LCLAT1: variants seen among roughly 807,000 people sequenced by gnomAD.
LCLAT1 encodes the protein lysocardiolipin acyltransferase 1, also known as 1-AGP acyltransferase 8.
A neutral mutation model predicts 30.7 loss-of-function variants in LCLAT1; 11 were observed. The ratio of observed to expected loss-of-function variants is 0.36; its 90% CI spans 0.23 to 0.59. LCLAT1 has a LOEUF of 0.59. Ranked by LOEUF, LCLAT1 falls within the 20% of genes least tolerant of loss-of-function variation. The probability of loss-of-function intolerance (pLI) is 0.77; values close to 1 mark genes in which losing one functional copy is unlikely to be tolerated. For missense variants in LCLAT1, 402 were observed against 458.6 expected, an observed-to-expected ratio of 0.88 and a Z score of 1.13; for synonymous variants, 155 against 151.3, an observed-to-expected ratio of 1.02 and a Z score of -0.18.
At chr2:30,564,161 A>G (rs1665368155) in intron 4 of LCLAT1, among the ~76,000 whole-genome samples, 1 of 152,146 alleles carries the variant, frequency 6.6e-6, no homozygotes, top group Non-Finnish European at 1.5e-5. Context: ...CCATATTTAA[A>G]TTTTATAATA....
intron 3 of LCLAT1, among the ~76,000 whole-genome samples, chr2:30,560,283 GGT>G (rs57326977): frequency 0.3 from 43,569 of 144,252 alleles, 6,480 homozygotes; most frequent in East Asian, 0.37. Flanking sequence ...AATAAAGTGT[GGT>G]GTGTGTGTGT....
intron 5 of LCLAT1, among the ~76,000 whole-genome samples, chr2:30,583,478 G>A (rs1666294405): frequency 6.6e-6 from 1 of 152,028 alleles, no homozygotes; most frequent in Non-Finnish European, 1.5e-5. Flanking sequence ...CAGTATTTTA[G>A]TCCATCCACT....
At chr2:30,621,347 G>A (rs1389507939) in intron 5 of LCLAT1, among the ~76,000 whole-genome samples, 10 of 152,144 alleles carry the variant, frequency 6.6e-5, no homozygotes, top group African/African-American at 1.9e-4. Context: ...AGAAGGTGGG[G>A]CCTTTGGAGG....
At chr2:30,505,748 T>A (rs956886754) in intron 1 of LCLAT1, among the ~76,000 whole-genome samples, 1 of 152,184 alleles carries the variant, frequency 6.6e-6, no homozygotes, top group African/African-American at 2.4e-5. Flanking sequence ...TAATGTAGCT[T>A]ATCTGTTTTT....
At chr2:30,585,607 C>T (rs1422703011) in intron 5 of LCLAT1, among the ~76,000 whole-genome samples, 2 of 152,210 alleles carry the variant, frequency 1.3e-5, no homozygotes, top group African/African-American at 4.8e-5. Context: ...TGTTTTTACT[C>T]TCATTAAGAT....
chr2:30,481,010 A>G (rs1049728466), intron 1 of LCLAT1, among the ~76,000 whole-genome samples: 1 of 152,212 alleles, frequency 6.6e-6, no homozygotes, highest in Admixed American at 6.5e-5. Flanking sequence ...GGTCAGCCTT[A>G]GAGCTTGTTT....
chr2:30,504,359 A>G (rs1037237173), intron 1 of LCLAT1, among the ~76,000 whole-genome samples: 1 of 152,158 alleles, frequency 6.6e-6, no homozygotes, highest in Non-Finnish European at 1.5e-5. Flanking sequence ...GGGAAAAACA[A>G]AACATGAGCT....
intron 1 of LCLAT1, among the ~76,000 whole-genome samples, chr2:30,493,946 C>T (rs144593511): frequency 0.01 from 1,534 of 152,118 alleles, 27 homozygotes; most frequent in African/African-American, 0.034. Flanking sequence ...TGAGGTCAGG[C>T]GTTCAAGACC....
intron 1 of LCLAT1, among the ~76,000 whole-genome samples, chr2:30,473,607 G>T (rs1682903458): frequency 6.6e-6 from 1 of 152,136 alleles, no homozygotes; most frequent in Admixed American, 6.5e-5. Context: ...TCTGTGGATG[G>T]ATAGATGAAC....
At chr2:30,452,778 C>G (rs1004972535) in intron 1 of LCLAT1, among the ~76,000 whole-genome samples, 1 of 152,048 alleles carries the variant, frequency 6.6e-6, no homozygotes, top group Non-Finnish European at 1.5e-5. Flanking sequence ...TTTAATGCAA[C>G]GAGCTAAGAA....
intron 3 of LCLAT1, among the ~76,000 whole-genome samples, chr2:30,558,977 T>C (rs1665069263): frequency 6.6e-6 from 1 of 152,202 alleles, no homozygotes; most frequent in Non-Finnish European, 1.5e-5. Context: ...TGTATATTGG[T>C]CTACAGTGGT....
intron 3 of LCLAT1, among the ~76,000 whole-genome samples, chr2:30,547,881 G>A (rs1409673663): frequency 6.6e-6 from 1 of 152,036 alleles, no homozygotes; most frequent in South Asian, 2.1e-4. Context: ...ATTTCACCAA[G>A]CCATAAGAAA....
chr2:30,624,141 A>C (rs998830572), intron 5 of LCLAT1, among the ~76,000 whole-genome samples: 1 of 152,188 alleles, frequency 6.6e-6, no homozygotes, highest in African/African-American at 2.4e-5. Context: ...AATCCTCAAA[A>C]TACACCGAAA....
At chr2:30,575,854 T>G (rs1293532401) in intron 5 of LCLAT1, among the ~76,000 whole-genome samples, 4 of 152,164 alleles carry the variant, frequency 2.6e-5, no homozygotes, top group African/African-American at 9.7e-5. Context: ...CTCGTGTCTC[T>G]CTGTACCACT....
At chr2:30,507,123 A>G (rs1469251786) in intron 1 of LCLAT1, among the ~76,000 whole-genome samples, 1 of 152,044 alleles carries the variant, frequency 6.6e-6, no homozygotes, top group Non-Finnish European at 1.5e-5. Context: ...GTTAGTGTTC[A>G]CTTTAATTTT....
chr2:30,544,507 T>C (rs1338466232), intron 3 of LCLAT1, among the ~76,000 whole-genome samples: 2 of 152,198 alleles, frequency 1.3e-5, no homozygotes, highest in Non-Finnish European at 2.9e-5. Flanking sequence ...TATAAAAATA[T>C]TCTGTTTCCA....
rs199634493 is a variant in LCLAT1 at position 30,469,574 on chromosome 2, CTTTT to C, written c.-5+22210_-5+22213del. Among the ~76,000 whole-genome samples, 17 of 103,802 alleles carry C rather than the reference CTTTT, an allele frequency of 1.6e-4. No homozygotes were observed. The East Asian group carries it at 2.3e-3, about 14-fold the overall frequency. The allele number at this position is 103,802 out of a possible 152,430, so 68.1% of individuals were successfully genotyped here. ...CAATTAATTGGGCTACAGGTCTCTTCTTTTTTTTTTTTTTTTTTTTTTGAGACGG... is the reference window on the plus strand; with the variant it reads ...CAATTAATTGGGCTACAGGTCTCTTCTTTTTTTTTTTTTTTTTTGAGACGG... On this transcript the variant is annotated intron_variant, in intron 1 of 5. Transcript: ENST00000379509.
At chr2:30,622,903 A>G (rs981074505) in intron 5 of LCLAT1, among the ~76,000 whole-genome samples, 2 of 152,226 alleles carry the variant, frequency 1.3e-5, no homozygotes, top group Non-Finnish European at 2.9e-5. Flanking sequence ...AGGTTCTTTA[A>G]GAGCCCCAAA....
intron 5 of LCLAT1, among the ~76,000 whole-genome samples, chr2:30,621,285 T>A (rs890208988): frequency 6.6e-6 from 1 of 152,142 alleles, no homozygotes; most frequent in African/African-American, 2.4e-5. Flanking sequence ...ACGTTTGTGT[T>A]CCCCCAAAAT....
Sources: allele counts gnomAD v4.1 joint callset (sites outside exome capture counted in the v4.1 genomes callset), GRCh38; gene constraint gnomAD v4.1.1; transcripts MANE v1.5; gene names NCBI Gene and HGNC (gene_info 2026-07-23, HGNC 2026-07-21).